TEAD2: variants seen among roughly 807,000 people sequenced by gnomAD.
The protein encoded by TEAD2 is TEA domain transcription factor 2, also known as transcriptional enhancer factor TEF-4.
TEAD2 carries 51 observed loss-of-function variants against 61.4 expected under a neutral mutation model. The observed-to-expected ratio is 0.83, with a 90% CI of 0.66 to 1.05. TEAD2 has a LOEUF of 1.05. Ranked by LOEUF, TEAD2 falls within the 50% of genes least tolerant of loss-of-function variation. The pLI is 0.00. For synonymous variants in TEAD2, 244 were observed against 243.2 expected (o/e 1.00, Z -0.03); for missense variants, 509 against 600.0 (o/e 0.85, Z 1.58).
chr19:49,361,071 G>C lies in TEAD2; in HGVS notation c.-6-990C>G, dbSNP rs1465994546. Among the ~76,000 whole-genome samples, 10 of 125,628 alleles carry C rather than the reference G, an allele frequency of 8.0e-5. 1 individual carries two copies. The East Asian group carries it at 1.0e-3, about 13-fold the overall frequency. 82.4% of individuals were successfully genotyped at this position (125,628 alleles called of 152,430 possible). On this transcript the variant is annotated intron_variant, in intron 1 of 12. Transcript: ENST00000593945. ...CCAGAGAGGGGGACAGAGACCCAGA[G>C]AGAGGGACAGAGACCCAAAAAGAGA...
intron 1 of TEAD2, among the ~76,000 whole-genome samples, chr19:49,360,699 G>A (rs1478704301): frequency 1.3e-5 from 2 of 148,296 alleles, no homozygotes; most frequent in East Asian, 2.0e-4. Flanking sequence ...AAAGAAGAGG[G>A]GCCAAGCAAG....
At chr19:49,351,783 C>G (rs975760912) in intron 7 of TEAD2, among the ~76,000 whole-genome samples, 2 of 151,906 alleles carry the variant, frequency 1.3e-5, no homozygotes, top group Non-Finnish European at 2.9e-5. Flanking sequence ...GTCAGGAGTT[C>G]GAGACCAGCC....
rs560900260 is a variant in TEAD2, at chr19:49,352,225, G to A, written c.540-860C>T. 3.8e-4 allele frequency among the ~76,000 whole-genome samples: 58 copies of A among 152,224 alleles called. No homozygotes were observed. In the South Asian group the frequency reaches 7.9e-3, roughly 21 times the overall value. On this transcript the variant is annotated intron_variant, in intron 7 of 12. Coordinates refer to ENST00000593945, the MANE Select transcript of TEAD2 (RefSeq NM_001256660.2). ...GATGGAAATCTGTGCCATCCAATAC[G>A]GTACCCAGTGCCCACATGTGGCTAC...
At chr19:49,354,747 C>G (rs1466244551) in intron 7 of TEAD2, among the ~76,000 whole-genome samples, 2 of 152,126 alleles carry the variant, frequency 1.3e-5, no homozygotes, top group Non-Finnish European at 2.9e-5. Flanking sequence ...CGCCTGTAAT[C>G]CTAGCATTTG....
In TEAD2 at chr19:49,360,884, C is replaced by A. The variant is rs116624483; in HGVS notation, c.-6-803G>T. ...GAGACCAGTGAGGTGGGGATAGAGA[C>A]CCAGAGACAGAGGGGGACAGAGACC... On this transcript the variant is annotated intron_variant, in intron 1 of 12. Transcript: ENST00000593945. Among the ~76,000 whole-genome samples, 534 of 117,354 alleles carry A rather than the reference C, an allele frequency of 4.6e-3. 6 individuals are homozygous for A. The highest frequency in any genetic ancestry group is 0.018 in the African/African-American group (517 of 28,424). 77.0% of individuals were successfully genotyped at this position (117,354 alleles called of 152,430 possible).
rs753516939 is a variant in TEAD2 at position 49,357,303 on chromosome 19, G to GT, written c.308dup (p.His103GlnfsTer61). 6.2e-7 allele frequency: 1 copy of GT among 1,613,778 alleles called. No individual in the cohort carries two copies. The highest frequency in any genetic ancestry group is 8.5e-7 in the Non-Finnish European group (1 of 1,179,978). On this transcript the variant is annotated frameshift_variant, in exon 4 of 13. Coordinates refer to ENST00000593945, the MANE Select transcript of TEAD2 (RefSeq NM_001256660.2). LOFTEE classifies it high-confidence loss of function. ...ATTTCCTTCGGGCCAAAACCTGGAT[G>GT]TGACTAGAAACCTGGAAGGATCAAC...
intron 7 of TEAD2, among the ~76,000 whole-genome samples, chr19:49,351,622 GTCAGTCTCAGCCCGGTATC>G (rs1473639844): frequency 2.0e-5 from 3 of 152,120 alleles, no homozygotes; most frequent in Admixed American, 6.5e-5. Context: ...TTGAACCCAG[GTCAGTCTCAGCCCGGTATC>G]TCAGGCTCTT....
At chr19:49,344,914 C>G (rs1423780515) in intron 10 of TEAD2, among the ~76,000 whole-genome samples, 1 of 152,194 alleles carries the variant, frequency 6.6e-6, no homozygotes, top group African/African-American at 2.4e-5. Flanking sequence ...CTCATCACAC[C>G]TTTGGTCTGA....
chr19:49,355,301 A>T lies in TEAD2; in HGVS notation c.480+11T>A. ...TTGCCCCCACGTCCCACAATCCCCA[A>T]CCTGGACCACCTGAGGACCAGTGGG... is the stretch of plus-strand genomic sequence containing the variant. On this transcript the variant is annotated intron_variant, in intron 6 of 12. Transcript: ENST00000593945. The T allele has an allele frequency of 1.9e-6, 3 of 1,614,042 alleles. No individual in the cohort carries two copies. The highest frequency in any genetic ancestry group is 2.5e-6 in the Non-Finnish European group (3 of 1,179,986).
chr19:49,360,799 AGG>A (rs66557222), intron 1 of TEAD2, among the ~76,000 whole-genome samples: 1 of 46,212 alleles, frequency 2.2e-5, no homozygotes, highest in African/African-American at 1.2e-4. Context: ...GAGACCAGCA[AGG>A]GGGGGGGACA....
In TEAD2 at chr19:49,359,408, C is replaced by G. The variant is rs202171797; in HGVS notation, c.297+27G>C. On this transcript the variant is annotated intron_variant, in intron 3 of 12. Transcript: ENST00000593945. The surrounding 1 kb of genome is among the most constrained non-coding windows in gnomAD (Gnocchi z 4.1). ...CCTAAGAAGACCGGCCCATCCCAGA[C>G]AGAAGCCCACAAGTCCATTCCGAGA... is the stretch of plus-strand genomic sequence containing the variant. 45 of 1,613,316 alleles carry G rather than the reference C, an allele frequency of 2.8e-5. No homozygotes were observed. In the African/African-American group the frequency reaches 5.7e-4, roughly 21 times the overall value.
At chr19:49,346,080 G>A (rs185917091) in intron 10 of TEAD2, among the ~76,000 whole-genome samples, 2 of 147,968 alleles carry the variant, frequency 1.4e-5, no homozygotes, top group African/African-American at 2.5e-5. Flanking sequence ...CTGGAGAATC[G>A]CTTGAACCCA....
chr19:49,348,343 A>G (rs1293846498), intron 9 of TEAD2, among the ~76,000 whole-genome samples: 4 of 152,240 alleles, frequency 2.6e-5, no homozygotes, highest in Non-Finnish European at 5.9e-5. Flanking sequence ...AGTATGCATC[A>G]CAAAGCCTAG....
intron 10 of TEAD2, among the ~76,000 whole-genome samples, chr19:49,343,679 G>A (rs981847030): frequency 6.6e-5 from 10 of 151,472 alleles, no homozygotes; most frequent in South Asian, 2.1e-4. Flanking sequence ...CAGAGGTTGC[G>A]GTGAGCCGAG....
chr19:49,348,830 T>G lies in TEAD2; in HGVS notation c.620A>C (p.Gln207Pro). 6.4e-7 allele frequency: 1 copy of G among 1,573,830 alleles called. No individual in the cohort carries two copies. Among genetic ancestry groups the G allele is most frequent in the Non-Finnish European group, 8.6e-7 (1 of 1,164,474 alleles). The stretch of plus-strand genomic sequence containing the variant: ...AGGTGGGGGCAGGGGTGAGAGGGCT[T>G]GGGGGGGCTCGTACCCTAGAGAGAG... Reference protein sequence around the residue: ...STDLPGYEPPQALSPLPPPTP... With the variant: ...STDLPGYEPPPALSPLPPPTP... The change falls in exon 9 of 13, where the codon CAA becomes CCA. Residue 207 changes from glutamine to proline, a missense_variant. By Grantham distance (76) the Gln-to-Pro change is moderately conservative. Transcript: ENST00000593945.
At position 49,344,869 on chromosome 19, in the gene TEAD2, C is replaced by T. The variant is rs763402898; in HGVS notation, c.922-1471G>A. 3.7e-4 allele frequency among the ~76,000 whole-genome samples: 56 copies of T among 152,148 alleles called. 1 individual carries two copies. The highest frequency in any genetic ancestry group is 1.3e-4 in the Admixed American group (2 of 15,280). On this transcript the variant is annotated intron_variant, in intron 10 of 12. Coordinates refer to ENST00000593945, the MANE Select transcript of TEAD2 (RefSeq NM_001256660.2). ...TGTGTGTAGACAGCTGGCCAAGTGT[C>T]ACTAGGCCAAGTGGGGCCTAAGGAA...
chr19:49,358,440 G>A (rs1972549997), intron 3 of TEAD2, among the ~76,000 whole-genome samples: 1 of 151,794 alleles, frequency 6.6e-6, no homozygotes, highest in South Asian at 2.1e-4. Flanking sequence ...AAAAGATCTG[G>A]GTGTTTAAAA....
Position 49,360,001 on chromosome 19 carries a change from C to CTCCTCACTGCCT in TEAD2, c.63_74dup (p.Ser23_Gly26dup), listed in dbSNP as rs574318113. 1.4e-5 allele frequency: 23 copies of CTCCTCACTGCCT among 1,609,628 alleles called. No individual in the cohort carries two copies. The African/African-American group carries it at 2.1e-4, about 15-fold the overall frequency. On this transcript the variant is annotated inframe_insertion, in exon 2 of 13. Transcript: ENST00000593945. ...CAGCCCCCTCACTGCCGCCGGTACC[C>CTCCTCACTGCCT]TCCTCACTGCCTTCCTCACTGCCCG...
Position 49,341,415 on chromosome 19 carries a change from T to C in TEAD2, c.1265A>G (p.Gln422Arg). The C allele has an allele frequency of 1.2e-6, 2 of 1,614,010 alleles. No individual in the cohort carries two copies. The highest frequency in any genetic ancestry group is 8.5e-7 in the Non-Finnish European group (1 of 1,179,910). ...ATAGGCGGTGCAGAGCAGCAGTTCC[T>C]GGGTGTCTCTGTTTGTCACCACCTG... ...ILQVVTNRDT[Q>R]ELLLCTAYVF... Residue 422 changes from glutamine (Q) to arginine (R), a missense_variant, in exon 13 of 13, where the codon CAG becomes CGG. Gln to Arg is a conservative substitution (Grantham distance 43, BLOSUM62 1). Coordinates refer to ENST00000593945, the MANE Select transcript of TEAD2 (RefSeq NM_001256660.2). The surrounding 1 kb of genome is among the most constrained non-coding windows in gnomAD (Gnocchi z 4.2).
Sources: allele counts gnomAD v4.1 joint callset (sites outside exome capture counted in the v4.1 genomes callset), GRCh38; gene constraint gnomAD v4.1.1; non-coding constraint Gnocchi (gnomAD v3.1); transcripts MANE v1.5; gene names NCBI Gene and HGNC (gene_info 2026-07-23, HGNC 2026-07-21).